The following USP22 variants were observed in gnomAD, a reference collection of about 807,000 sequenced individuals.
The protein encoded by USP22 is ubiquitin carboxyl-terminal hydrolase 22.
USP22 carries 22 observed loss-of-function variants against 68.1 expected under a neutral mutation model. The observed-to-expected ratio is 0.32, with a 90% CI of 0.23 to 0.46. USP22 has a LOEUF of 0.46. USP22 is among the 20% of genes least tolerant of loss of function. USP22 has a pLI of 1.00. For synonymous variants in USP22, 279 were observed against 274.2 expected, an observed-to-expected ratio of 1.02 and a Z score of -0.17; for missense variants, 433 against 695.8, an observed-to-expected ratio of 0.62 and a Z score of 4.25.
At chr17:21,033,881 T>G (rs1299074383) in intron 1 of USP22, among the ~76,000 whole-genome samples, 6 of 151,936 alleles carry the variant, frequency 3.9e-5, no homozygotes, top group Admixed American at 6.6e-5. Context: ...CCCGAGTATC[T>G]GGGACTACGG....
At chr17:21,021,800 TA>T (rs1452398646) in intron 2 of USP22, among the ~76,000 whole-genome samples, 1 of 152,152 alleles carries the variant, frequency 6.6e-6, no homozygotes, top group Non-Finnish European at 1.5e-5. Flanking sequence ...CTGCATCTTC[TA>T]AAAAATGGGA....
Position 21,043,003 on chromosome 17 carries a change from G to A in USP22, c.-168C>T. ...TGGGGCTGCGCGATCGCCGAGGGGA[G>A]GCTGCAAGGCAGGCACCGCCCCCGA... On this transcript the variant is annotated 5_prime_UTR_variant, in exon 1 of 13. Coordinates refer to ENST00000261497, the MANE Select transcript of USP22 (RefSeq NM_015276.2). 2.9e-6 allele frequency: 1 copy of A among 343,600 alleles called. No individual in the cohort carries two copies. Among genetic ancestry groups the A allele is most frequent in the Non-Finnish European group, 5.0e-6 (1 of 198,024 alleles). The allele number at this position is 343,600 out of a possible 1,614,324, so 21.3% of individuals were successfully genotyped here. A position where few individuals can be genotyped will look rare whatever the true frequency, so the allele number is the denominator to read the frequency against.
At chr17:21,008,099 C>A in intron 8 of USP22, 103 bp from the exon 9 acceptor site, 2 of 1,361,044 alleles carry the variant, frequency 1.5e-6, no homozygotes, top group Non-Finnish European at 2.0e-6. Context: ...GATTTCCCTA[C>A]CAAAAACATA....
chr17:21,043,302 C>CCCCCCCCCCCCCG (rs1972474026), upstream of USP22: 7 of 47,548 alleles, frequency 1.5e-4, no homozygotes, highest in Non-Finnish European at 3.5e-4. Context: ...GTAGGCCACC[C>CCCCCCCCCCCCCG]CCCCCCCCCC....
At chr17:21,036,227 AG>A (rs1972354980) in intron 1 of USP22, among the ~76,000 whole-genome samples, 1 of 152,054 alleles carries the variant, frequency 6.6e-6, no homozygotes. Context: ...GGTGAAGCAC[AG>A]GGATTTCTTG....
In USP22 at chr17:21,007,936, G is replaced by A; in HGVS notation, c.1164C>T (p.Ser388=). ...TGAGCTGCTTTGTGGACTCCTGGTAGCTATGGCAACCGCTGCACTTGATCT... is the reference window on the plus strand; with the variant it reads ...TGAGCTGCTTTGTGGACTCCTGGTAACTATGGCAACCGCTGCACTTGATCT... ...SAKIKCSGCH[S]YQESTKQLTM... is the part of the protein sequence containing the mutation. The change falls in exon 9 of 13, where the codon AGC becomes AGT. Residue 388 remains serine (S), a synonymous_variant. Coordinates refer to ENST00000261497, the MANE Select transcript of USP22 (RefSeq NM_015276.2). 1 of 1,614,176 alleles carries A rather than the reference G, an allele frequency of 6.2e-7. No individual in the cohort carries two copies. Among genetic ancestry groups the A allele is most frequent in the Non-Finnish European group, 8.5e-7 (1 of 1,180,032 alleles).
intron 6 of USP22, among the ~76,000 whole-genome samples, chr17:21,014,781 A>T (rs1376845825): frequency 6.6e-6 from 1 of 152,212 alleles, no homozygotes; most frequent in African/African-American, 2.4e-5. Context: ...CTGATAGGAT[A>T]TCGGCTACAA....
At chr17:21,022,538 G>T (rs183554724) in intron 2 of USP22, among the ~76,000 whole-genome samples, 4 of 152,112 alleles carry the variant, frequency 2.6e-5, no homozygotes, top group Admixed American at 6.5e-5. Flanking sequence ...GGTGGTTCAC[G>T]CCTGTAATCC....
At chr17:21,013,094 A>G (rs953178107) in intron 6 of USP22, among the ~76,000 whole-genome samples, 159 bp from the exon 7 acceptor site, 1 of 152,140 alleles carries the variant, frequency 6.6e-6, no homozygotes, top group African/African-American at 2.4e-5. Context: ...TGTCCTTGTT[A>G]TTTTAATATG....
intron 7 of USP22, among the ~76,000 whole-genome samples, chr17:21,011,879 C>T (rs1913981186): frequency 6.6e-6 from 1 of 152,164 alleles, no homozygotes; most frequent in South Asian, 2.1e-4. Context: ...GAGACAATCT[C>T]CTACTAATGG....
chr17:21,018,935 G>A, intron 4 of USP22, 149 bp downstream of exon 4: 1 of 756,754 alleles, frequency 1.3e-6, no homozygotes, highest in Non-Finnish European at 2.2e-6. Flanking sequence ...GAGAACAGGT[G>A]CTCAAGAGCT....
chr17:21,005,092 T>C, intron 10 of USP22, 102 bp from the exon 11 acceptor site: 2 of 1,330,986 alleles, frequency 1.5e-6, no homozygotes, highest in Admixed American at 1.8e-5. Context: ...ACCATGCAGA[T>C]GCTGCACCGA....
chr17:21,014,888 G>C (rs957384968), intron 6 of USP22, among the ~76,000 whole-genome samples: 3 of 152,228 alleles, frequency 2.0e-5, no homozygotes, highest in Admixed American at 1.3e-4. Flanking sequence ...ATCTGAACCA[G>C]CGGCATCAAC....
chr17:21,006,208 G>A (rs1231125084), intron 10 of USP22, among the ~76,000 whole-genome samples: 1 of 152,202 alleles, frequency 6.6e-6, no homozygotes, highest in Non-Finnish European at 1.5e-5. Context: ...GCATTAGTAA[G>A]CAGCTGAATT....
upstream of USP22, chr17:21,043,245 G>T (rs71371043): frequency 1.0e-4 from 15 of 147,394 alleles, no homozygotes; most frequent in African/African-American, 3.0e-5. Flanking sequence ...AGCGTGGTAG[G>T]GGGGGGAAGC....
chr17:21,022,683 C>T (rs1597696109), intron 2 of USP22, among the ~76,000 whole-genome samples: 1 of 151,964 alleles, frequency 6.6e-6, no homozygotes, highest in Non-Finnish European at 1.5e-5. Flanking sequence ...CCTATAGTCC[C>T]AGCTACTCAG....
chr17:21,004,791 TAGTGGAGCTGCG>T, intron 11 of USP22, 125 bp downstream of exon 11: 1 of 193,210 alleles, frequency 5.2e-6, no homozygotes, highest in Non-Finnish European at 1.1e-5. Flanking sequence ...GGGCAGCCAA[TAGTGGAGCTGCG>T]GGCAGCCAAG....
intron 1 of USP22, among the ~76,000 whole-genome samples, chr17:21,040,251 T>C (rs1421933999): frequency 6.6e-6 from 1 of 152,242 alleles, no homozygotes; most frequent in African/African-American, 2.4e-5. Context: ...GGAAATCCTA[T>C]GCAGATTGTC....
At chr17:21,039,465 T>C (rs2143659670) in intron 1 of USP22, among the ~76,000 whole-genome samples, 1 of 151,864 alleles carries the variant, frequency 6.6e-6, no homozygotes, top group East Asian at 2.0e-4. Context: ...TAATCCCAGC[T>C]ACTTGGGAGA....
Sources: gnomAD v4.1 joint callset for allele counts (sites outside exome capture counted in the v4.1 genomes callset) on GRCh38, gnomAD v4.1.1 for gene constraint, MANE v1.5 for transcripts, NCBI Gene and HGNC (gene_info 2026-07-23, HGNC 2026-07-21) for gene names.